The following VPS13A variants were observed in gnomAD, a reference collection of about 807,000 sequenced individuals.
VPS13A encodes the protein intermembrane lipid transfer protein VPS13A.
VPS13A carries 264 observed loss-of-function variants against 390.9 expected under a neutral mutation model. The observed-to-expected ratio is 0.68, with a 90% CI of 0.61 to 0.75. The LOEUF (loss-of-function observed/expected upper bound fraction) is 0.75. VPS13A is among the 30% of genes least tolerant of loss of function. The pLI is 0.00. For synonymous variants in VPS13A, 1,231 were observed against 1,227.1 expected, an observed-to-expected ratio of 1.00 and a Z score of -0.07; for missense variants, 3,409 against 3,733.9, an observed-to-expected ratio of 0.91 and a Z score of 2.27.
intron 23 of VPS13A, among the ~76,000 whole-genome samples, chr9:77,272,093 A>G (rs1011948251): frequency 2.6e-5 from 4 of 152,188 alleles, no homozygotes; most frequent in Non-Finnish European, 4.4e-5. Context: ...AGAATTTCAC[A>G]GAATGGCAAA....
chr9:77,395,867 A>C (rs1350590812), intron 68 of VPS13A: 1 of 152,158 alleles, frequency 6.6e-6, no homozygotes, highest in African/African-American at 2.4e-5. Flanking sequence ...TTTCCTTTCA[A>C]GGTTAACAGA....
intron 23 of VPS13A, among the ~76,000 whole-genome samples, chr9:77,265,489 A>C (rs1244285069): frequency 6.6e-6 from 1 of 152,126 alleles, no homozygotes; most frequent in African/African-American, 2.4e-5. Flanking sequence ...TTATTGGTCT[A>C]TTCAGGGATT....
rs1448423214 is a variant in VPS13A at position 77,371,431 on chromosome 9, A to AGG, written c.9077+284_9077+285dup. Among the ~76,000 whole-genome samples the AGG allele has an allele frequency of 2.0e-5, 3 of 152,262 alleles. No individual in the cohort carries two copies. The South Asian group carries it at 6.2e-4, about 32-fold the overall frequency. ...CAAAAAGAGGGCAAGAGAAGAAAAA[A>AGG]GGGAACCAAAGTCACCCTTTTATAA... On this transcript the variant is annotated intron_variant, in intron 67 of 71. Transcript: ENST00000360280.
At chr9:77,196,808 T>C (rs979734785) in intron 1 of VPS13A, among the ~76,000 whole-genome samples, 2 of 152,148 alleles carry the variant, frequency 1.3e-5, no homozygotes, top group African/African-American at 2.4e-5. Context: ...AAACATAAAG[T>C]CCAGGTTTCT....
At chr9:77,247,425 A>T (rs1319102052) in intron 20 of VPS13A, 30 bp downstream of exon 20, 2 of 1,575,972 alleles carry the variant, frequency 1.3e-6, no homozygotes, top group Admixed American at 3.5e-5. Flanking sequence ...GATTTATGAT[A>T]CAGCATTTGG....
At chr9:77,404,013 A>G (rs1377994835) in intron 69 of VPS13A, among the ~76,000 whole-genome samples, 2 of 152,212 alleles carry the variant, frequency 1.3e-5, no homozygotes, top group African/African-American at 2.4e-5. Context: ...GTTCAAGGTG[A>G]CTACTAAGCA....
chr9:77,248,768 A>G (rs749163757), intron 20 of VPS13A, among the ~76,000 whole-genome samples: 13 of 151,550 alleles, frequency 8.6e-5, no homozygotes, highest in South Asian at 8.4e-4. Flanking sequence ...GTCTCACTCT[A>G]TTGTCCAGGC....
intron 68 of VPS13A, among the ~76,000 whole-genome samples, chr9:77,387,564 A>G (rs1833741038): frequency 6.6e-6 from 1 of 152,206 alleles, no homozygotes; most frequent in Admixed American, 6.5e-5. Flanking sequence ...AAAAATTTGT[A>G]AAAATCTGTA....
intron 22 of VPS13A, among the ~76,000 whole-genome samples, chr9:77,253,420 C>G (rs1825255386): frequency 1.3e-5 from 2 of 152,142 alleles, no homozygotes; most frequent in South Asian, 4.2e-4. Context: ...ATTCTCCTGC[C>G]TCAGCCTCCT....
chr9:77,232,973 A>G (rs1823920170), intron 17 of VPS13A, among the ~76,000 whole-genome samples: 1 of 152,216 alleles, frequency 6.6e-6, no homozygotes, highest in Admixed American at 6.5e-5. Context: ...TTAAAAGGTT[A>G]TAGTAAGTTT....
At chr9:77,395,248 T>C (rs1834075247) in intron 68 of VPS13A, among the ~76,000 whole-genome samples, 1 of 152,166 alleles carries the variant, frequency 6.6e-6, no homozygotes, top group Non-Finnish European at 1.5e-5. Flanking sequence ...TGTAGGGCTG[T>C]TAATTGGCCT....
Position 77,238,316 on chromosome 9 carries a change from G to A in VPS13A, c.1830G>A (p.Glu610=), listed in dbSNP as rs113804310. Residue 610 remains glutamate (E), a synonymous_variant, in exon 19 of 72, where the codon GAG becomes GAA. Transcript: ENST00000360280. ...TGGAATTCTTCAGACCTCCAAAAGAGGTACATCTAGCACAGCTCACTGCAG... is the reference window on the plus strand; with the variant it reads ...TGGAATTCTTCAGACCTCCAAAAGAAGTACATCTAGCACAGCTCACTGCAG... The part of the protein sequence containing the change: ...SIVEFFRPPK[E]VHLAQLTAAT... 9 of 1,613,810 alleles carry A rather than the reference G, an allele frequency of 5.6e-6. No homozygotes were observed. The African/African-American group carries it at 1.2e-4, about 22-fold the overall frequency.
chr9:77,312,472 G>A (rs1008126046), intron 35 of VPS13A, among the ~76,000 whole-genome samples: 4 of 151,558 alleles, frequency 2.6e-5, no homozygotes, highest in African/African-American at 9.7e-5. Flanking sequence ...TGTCACCCAG[G>A]CTGGAGTGCA....
chr9:77,369,094 G>A (rs1332543069), intron 62 of VPS13A, among the ~76,000 whole-genome samples: 3 of 152,128 alleles, frequency 2.0e-5, no homozygotes, highest in Admixed American at 6.5e-5. Context: ...TGGCGCCACC[G>A]CATTCCAGCC....
chr9:77,372,709 A>C (rs1832847551), intron 67 of VPS13A, among the ~76,000 whole-genome samples: 1 of 152,198 alleles, frequency 6.6e-6, no homozygotes, highest in Non-Finnish European at 1.5e-5. Context: ...CTGTTTGCAG[A>C]CGACATGATT....
intron 1 of VPS13A, among the ~76,000 whole-genome samples, chr9:77,197,594 A>G (rs1825078316): frequency 6.6e-6 from 1 of 152,092 alleles, no homozygotes; most frequent in Non-Finnish European, 1.5e-5. Context: ...CTTATCTGAA[A>G]TGCTTGGAAT....
chr9:77,295,667 T>G lies in VPS13A; in HGVS notation c.3633T>G (p.Ile1211Met), dbSNP rs373259974. 1 of 1,614,062 alleles carries G rather than the reference T, an allele frequency of 6.2e-7. No homozygotes were observed. The highest frequency in any genetic ancestry group is 8.5e-7 in the Non-Finnish European group (1 of 1,179,958). Reference sequence around the variant, plus strand: ...GGAGTTCCAGAATGGCACTGGATATTAACATCAAAGCCCCAGTTGTGGTCA... The same window carrying G: ...GGAGTTCCAGAATGGCACTGGATATGAACATCAAAGCCCCAGTTGTGGTCA... The part of the protein sequence containing the change: ...AQRSSRMALD[I>M]NIKAPVVVIP... The change falls in exon 33 of 72, where the codon ATT becomes ATG. Residue 1211 changes from isoleucine to methionine, a missense_variant. Transcript: ENST00000360280.
At chr9:77,412,230 C>T (rs968686240) in intron 71 of VPS13A, among the ~76,000 whole-genome samples, 1 of 152,182 alleles carries the variant, frequency 6.6e-6, no homozygotes, top group African/African-American at 2.4e-5. Flanking sequence ...GGGAATCCTC[C>T]CTAACTCATT....
chr9:77,356,591 T>A (rs978442923), intron 54 of VPS13A, 123 bp from the exon 55 acceptor site: 1 of 1,067,358 alleles, frequency 9.4e-7, no homozygotes, highest in African/African-American at 1.6e-5. Context: ...TGTAATATGC[T>A]CACTTGTAAT....
Sources: allele counts gnomAD v4.1 joint callset (sites outside exome capture counted in the v4.1 genomes callset), GRCh38; gene constraint gnomAD v4.1.1; transcripts MANE v1.5; gene names NCBI Gene and HGNC (gene_info 2026-07-23, HGNC 2026-07-21).